The following PTPN14 variants were observed in gnomAD, a reference collection of about 807,000 sequenced individuals.
PTPN14 encodes tyrosine-protein phosphatase non-receptor type 14.
PTPN14 carries 53 observed loss-of-function variants against 126.8 expected under a neutral mutation model. The ratio of observed to expected loss-of-function variants is 0.42; its 90% CI spans 0.34 to 0.53. PTPN14 has a LOEUF of 0.53. PTPN14 is among the 20% of genes least tolerant of loss of function. The pLI is 0.08. For synonymous variants in PTPN14, 630 were observed against 599.3 expected, an observed-to-expected ratio of 1.05 and a Z score of -0.75; for missense variants, 1,257 against 1,552.9, an observed-to-expected ratio of 0.81 and a Z score of 3.20.
chr1:214,536,683 G>A (rs538139349), intron 1 of PTPN14, among the ~76,000 whole-genome samples: 2 of 152,224 alleles, frequency 1.3e-5, no homozygotes, highest in East Asian at 3.9e-4. Flanking sequence ...TACTCAGGAG[G>A]CTGAGGTAGG....
intron 1 of PTPN14, among the ~76,000 whole-genome samples, chr1:214,503,928 T>C (rs1342309334): frequency 3.9e-5 from 6 of 152,334 alleles, no homozygotes; most frequent in Non-Finnish European, 5.9e-5. Context: ...ATGATGCTTC[T>C]TGGGACTCTC....
intron 3 of PTPN14, among the ~76,000 whole-genome samples, chr1:214,427,932 A>G (rs763371805): frequency 1.3e-5 from 2 of 152,206 alleles, no homozygotes; most frequent in South Asian, 4.1e-4. Context: ...GCAAAGAGTG[A>G]GCAAGAGGAT....
At chr1:214,506,098 G>T (rs548384636) in intron 1 of PTPN14, among the ~76,000 whole-genome samples, 2 of 152,138 alleles carry the variant, frequency 1.3e-5, no homozygotes, top group African/African-American at 4.8e-5. Context: ...CAATTCCTTC[G>T]ATTACTAAGG....
At chr1:214,474,816 A>G (rs1343138133) in intron 1 of PTPN14, among the ~76,000 whole-genome samples, 1 of 152,042 alleles carries the variant, frequency 6.6e-6, no homozygotes, top group Non-Finnish European at 1.5e-5. Context: ...TAAAAAGATC[A>G]TTTCTCCACC....
intron 15 of PTPN14, 133 bp from the exon 16 acceptor site, chr1:214,372,972 A>T: frequency 7.9e-7 from 1 of 1,271,694 alleles, no homozygotes; most frequent in African/African-American, 1.5e-5. Context: ...TTCAATGAAC[A>T]AAAACCCTGA....
chr1:214,370,456 AG>A (rs1315994425), intron 16 of PTPN14, among the ~76,000 whole-genome samples: 1 of 152,104 alleles, frequency 6.6e-6, no homozygotes, highest in Non-Finnish European at 1.5e-5. Flanking sequence ...CAAGGCGGGA[AG>A]GGGTTCCAGC....
chr1:214,484,651 C>T (rs1031746075), intron 1 of PTPN14, among the ~76,000 whole-genome samples: 7 of 152,262 alleles, frequency 4.6e-5, no homozygotes, highest in South Asian at 2.1e-4. Flanking sequence ...GCTAAACTTG[C>T]TGTCTGTACA....
chr1:214,491,626 C>T (rs1192758448), intron 1 of PTPN14, among the ~76,000 whole-genome samples: 1 of 152,170 alleles, frequency 6.6e-6, no homozygotes, highest in Non-Finnish European at 1.5e-5. Flanking sequence ...CAGTACTCAC[C>T]TCCTCCTGTG....
At chr1:214,503,680 G>C (rs574979352) in intron 1 of PTPN14, among the ~76,000 whole-genome samples, 2 of 152,272 alleles carry the variant, frequency 1.3e-5, no homozygotes, top group South Asian at 4.1e-4. Context: ...TAAACAATTA[G>C]TCGGTGTAAT....
chr1:214,452,412 C>T (rs1173053224), intron 2 of PTPN14, among the ~76,000 whole-genome samples: 1 of 152,206 alleles, frequency 6.6e-6, no homozygotes, highest in Non-Finnish European at 1.5e-5. Context: ...AAGACAAAAC[C>T]GCCTGCCAAC....
chr1:214,413,092 G>T (rs1219006543), intron 4 of PTPN14, among the ~76,000 whole-genome samples: 1 of 152,124 alleles, frequency 6.6e-6, no homozygotes, highest in Non-Finnish European at 1.5e-5. Context: ...GCCCAGGGTG[G>T]TCTCAAACTC....
intron 1 of PTPN14, among the ~76,000 whole-genome samples, chr1:214,482,606 C>T (rs1410635705): frequency 6.6e-6 from 1 of 151,924 alleles, no homozygotes; most frequent in Non-Finnish European, 1.5e-5. Flanking sequence ...ATAGAAACTA[C>T]TCAATTTCTT....
Position 214,372,856 on chromosome 1 carries a change from G to T in PTPN14, c.2908-17C>A. 1.2e-6 allele frequency: 2 copies of T among 1,613,416 alleles called. No homozygotes were observed. The highest frequency in any genetic ancestry group is 1.7e-6 in the Non-Finnish European group (2 of 1,179,572). ...AACCACCACCTAAAAACCAAGAAAA[G>T]TATCGGTAAATAAACCCCAAGTCCG... On this transcript the variant is annotated splice_polypyrimidine_tract_variant and intron_variant, in intron 15 of 18. Coordinates refer to ENST00000366956, the MANE Select transcript of PTPN14 (RefSeq NM_005401.5).
At chr1:214,508,062 T>A (rs1654885854) in intron 1 of PTPN14, among the ~76,000 whole-genome samples, 1 of 152,156 alleles carries the variant, frequency 6.6e-6, no homozygotes, top group Admixed American at 6.5e-5. Flanking sequence ...AGTCCTAATG[T>A]TTTTGCTGGT....
At chr1:214,532,965 C>G (rs1655592335) in intron 1 of PTPN14, 6 of 776,482 alleles carry the variant, frequency 7.7e-6, no homozygotes, top group South Asian at 6.8e-5. Context: ...CTCGGAAGAA[C>G]CGAGAGGAGC....
intron 1 of PTPN14, chr1:214,532,301 G>C: frequency 2.0e-6 from 1 of 491,230 alleles, no homozygotes; most frequent in Non-Finnish European, 3.8e-6. Context: ...CACGTGCCAG[G>C]GGCTCTGGTT....
chr1:214,532,466 G>T, intron 1 of PTPN14: 1 of 838,176 alleles, frequency 1.2e-6, no homozygotes, highest in Non-Finnish European at 2.0e-6. Context: ...CCTCCTACCT[G>T]GACAGACTGA....
Position 214,464,653 on chromosome 1 carries a change from C to A in PTPN14, c.151G>T (p.Ala51Ser), listed in dbSNP as rs752296242. The A allele has an allele frequency of 1.2e-6, 2 of 1,614,240 alleles. No homozygotes were observed. The highest frequency in any genetic ancestry group is 1.1e-5 in the South Asian group (1 of 91,088). Residue 51 changes from alanine (A) to serine (S), a missense_variant, in exon 2 of 19, where the codon GCC becomes TCC. By Grantham distance (99) the Ala-to-Ser change is moderately conservative. Transcript: ENST00000366956. ...ACCTCTCGCAGCTCCAGCCTCTGGGCCACAGCCTCCAGGCATTCTTGCCCT... is the reference window on the plus strand; with the variant it reads ...ACCTCTCGCAGCTCCAGCCTCTGGGACACAGCCTCCAGGCATTCTTGCCCT... ...STGQECLEAV[A>S]QRLELRETHY...
chr1:214,391,102 G>T, intron 10 of PTPN14, 57 bp from the exon 11 acceptor site: 1 of 1,294,238 alleles, frequency 7.7e-7, no homozygotes. Context: ...AAAAAGACCA[G>T]ATAGACAAGG....
Sources: allele counts gnomAD v4.1 joint callset (sites outside exome capture counted in the v4.1 genomes callset), GRCh38; gene constraint gnomAD v4.1.1; transcripts MANE v1.5; gene names NCBI Gene and HGNC (gene_info 2026-07-23, HGNC 2026-07-21).